KCNK10: variants seen among roughly 807,000 people sequenced by gnomAD.
KCNK10 encodes the protein potassium channel subfamily K member 10.
KCNK10 carries 25 observed loss-of-function variants against 47.7 expected under a neutral mutation model. The ratio of observed to expected loss-of-function variants is 0.52; its 90% confidence interval spans 0.38 to 0.73. The LOEUF is 0.73. KCNK10 is among the 30% of genes least tolerant of loss of function. The pLI is 0.00. For synonymous variants in KCNK10, 303 were observed against 285.6 expected (o/e 1.06, Z -0.61); for missense variants, 563 against 714.5 (o/e 0.79, Z 2.42).
At chr14:88,270,060 G>A (rs548539437) in intron 1 of KCNK10, among the ~76,000 whole-genome samples, 16 of 152,154 alleles carry the variant, frequency 1.1e-4, no homozygotes, top group East Asian at 3.9e-4. Context: ...GCAGACTCCC[G>A]GGCAAGAGGG....
chr14:88,255,600 T>C (rs1225273707), intron 2 of KCNK10, among the ~76,000 whole-genome samples: 3 of 151,598 alleles, frequency 2.0e-5, no homozygotes, highest in East Asian at 3.9e-4. Flanking sequence ...AGACAGACAG[T>C]GTCCATTTCA....
intron 3 of KCNK10, among the ~76,000 whole-genome samples, chr14:88,237,577 T>C (rs1405549319): frequency 6.6e-6 from 1 of 152,210 alleles, no homozygotes. Flanking sequence ...ACTCCATCCA[T>C]GGGCTGAAGA....
chr14:88,220,761 G>A (rs1358958482), intron 4 of KCNK10, among the ~76,000 whole-genome samples: 3 of 151,920 alleles, frequency 2.0e-5, no homozygotes, highest in Non-Finnish European at 2.9e-5. Context: ...AAAACTCCTA[G>A]AAGGTAACAT....
At chr14:88,245,566 T>A (rs1886612702) in intron 2 of KCNK10, among the ~76,000 whole-genome samples, 1 of 152,334 alleles carries the variant, frequency 6.6e-6, no homozygotes, top group African/African-American at 2.4e-5. Flanking sequence ...GCGTTAGTGC[T>A]GCACTGGGAT....
chr14:88,199,572 T>A (rs1885034160), intron 4 of KCNK10, among the ~76,000 whole-genome samples: 1 of 152,126 alleles, frequency 6.6e-6, no homozygotes, highest in South Asian at 2.1e-4. Flanking sequence ...ACAGACTAGG[T>A]CAGTAAAACA....
chr14:88,314,346 G>A (rs777374135), intron 1 of KCNK10, among the ~76,000 whole-genome samples: 3 of 152,148 alleles, frequency 2.0e-5, no homozygotes, highest in Non-Finnish European at 4.4e-5. Context: ...TGAAAAGTGG[G>A]CCCTCACCAG....
chr14:88,291,278 C>T (rs995912691), intron 1 of KCNK10, among the ~76,000 whole-genome samples: 1 of 152,142 alleles, frequency 6.6e-6, no homozygotes, highest in Admixed American at 6.5e-5. Context: ...ATATACTGAG[C>T]TTCCCTGACA....
At chr14:88,187,883 C>T (rs1884622600) in intron 6 of KCNK10, 84 bp downstream of exon 6, 1 of 1,508,162 alleles carries the variant, frequency 6.6e-7, no homozygotes, top group Non-Finnish European at 9.1e-7. Context: ...AGAAACACTC[C>T]AGCCCACAGG....
At chr14:88,212,307 A>G (rs1161630459) in intron 4 of KCNK10, among the ~76,000 whole-genome samples, 1 of 151,672 alleles carries the variant, frequency 6.6e-6, no homozygotes, top group African/African-American at 2.4e-5. Flanking sequence ...GGGCATGGTG[A>G]CACATGCCTG....
chr14:88,301,004 C>T (rs1288035809), intron 1 of KCNK10, among the ~76,000 whole-genome samples: 1 of 152,186 alleles, frequency 6.6e-6, no homozygotes, highest in Non-Finnish European at 1.5e-5. Flanking sequence ...GTTAGACTCT[C>T]AACTCTACCA....
intron 2 of KCNK10, among the ~76,000 whole-genome samples, chr14:88,257,366 G>A (rs1025020578): frequency 2.6e-5 from 4 of 152,070 alleles, no homozygotes; most frequent in East Asian, 1.9e-4. Flanking sequence ...TCATTTCCAC[G>A]TACTCTCATA....
intron 1 of KCNK10, among the ~76,000 whole-genome samples, chr14:88,289,410 C>T (rs1300496695): frequency 6.6e-6 from 1 of 152,176 alleles, no homozygotes; most frequent in African/African-American, 2.4e-5. Flanking sequence ...ATTAATCATG[C>T]CCTTACACAG....
rs949762688 is a variant in KCNK10, at chr14:88,180,925, C to T, written c.*4610G>A. 21 of 398,436 alleles carry T rather than the reference C, an allele frequency of 5.3e-5. No individual in the cohort carries two copies. The highest frequency in any genetic ancestry group is 6.2e-4 in the Middle Eastern group (1 of 1,610). The allele number at this position is 398,436 out of a possible 1,614,324, so 24.7% of individuals were successfully genotyped here. On this transcript the variant is annotated 3_prime_UTR_variant, in exon 7 of 7. Transcript: ENST00000319231. The stretch of plus-strand genomic sequence containing the variant: ...AAGTGATCTTTGTTTCAGAGAGTTA[C>T]CCTTTTTCTTTTTAAGGCCATTACT...
chr14:88,301,841 G>T (rs1595129377), intron 1 of KCNK10, among the ~76,000 whole-genome samples: 1 of 152,116 alleles, frequency 6.6e-6, no homozygotes, highest in African/African-American at 2.4e-5. Context: ...ATGCCGAGTG[G>T]AAAGAGGAAC....
intron 4 of KCNK10, among the ~76,000 whole-genome samples, chr14:88,215,261 T>C (rs949942562): frequency 6.6e-6 from 1 of 152,202 alleles, no homozygotes; most frequent in African/African-American, 2.4e-5. Flanking sequence ...AGGGGTTTAA[T>C]TGACTCACAG....
Position 88,181,099 on chromosome 14 carries a change from C to A in KCNK10, c.*4436G>T. The A allele has an allele frequency of 5.9e-6, 2 of 341,124 alleles. No homozygotes were observed. The highest frequency in any genetic ancestry group is 1.1e-5 in the Non-Finnish European group (2 of 190,294). The allele number at this position is 341,124 out of a possible 1,614,324, so 21.1% of individuals were successfully genotyped here. ...TTTTTCCTTTCTCGTTTTACAGGGG[C>A]TCTGAATGTTTGTTTTCCTACGCCT... On this transcript the variant is annotated 3_prime_UTR_variant, in exon 7 of 7. Coordinates refer to ENST00000319231, the MANE Select transcript of KCNK10 (RefSeq NM_138317.3).
At chr14:88,246,908 T>C (rs888225949) in intron 2 of KCNK10, among the ~76,000 whole-genome samples, 6 of 152,186 alleles carry the variant, frequency 3.9e-5, no homozygotes, top group Non-Finnish European at 5.9e-5. Context: ...TGTCATTTCT[T>C]ATTCAGGAGT....
intron 4 of KCNK10, among the ~76,000 whole-genome samples, chr14:88,206,338 C>T (rs1291018284): frequency 6.6e-6 from 1 of 152,146 alleles, no homozygotes; most frequent in Non-Finnish European, 1.5e-5. Context: ...TCCTGCAATA[C>T]AACAATCAGT....
intron 4 of KCNK10, among the ~76,000 whole-genome samples, chr14:88,212,648 G>A (rs1219182271): frequency 6.6e-6 from 1 of 152,040 alleles, no homozygotes. Context: ...GACACCTCAG[G>A]CTCCTAGGGG....
Sources: gnomAD v4.1 joint callset for allele counts (sites outside exome capture counted in the v4.1 genomes callset) on GRCh38, gnomAD v4.1.1 for gene constraint, MANE v1.5 for transcripts, NCBI Gene and HGNC (gene_info 2026-07-23, HGNC 2026-07-21) for gene names.